Variants in UROS observed in about 807,000 individuals in gnomAD.
The protein encoded by UROS is uroporphyrinogen-III synthase.
In UROS, 18 loss-of-function variants were observed where a neutral mutation model predicts 33.0. The ratio of observed to expected loss-of-function variants is 0.55; its 90% CI spans 0.38 to 0.81. The LOEUF (loss-of-function observed/expected upper bound fraction) is 0.81, where lower values mean the gene tolerates loss of function less well. Ranked by LOEUF, UROS falls within the 30% of genes least tolerant of loss-of-function variation. UROS has a pLI of 0.00. For missense variants in UROS, 293 were observed against 314.9 expected (o/e 0.93, Z 0.53); for synonymous variants, 114 against 121.1 (o/e 0.94, Z 0.38).
rs1183649961 is a variant in UROS at position 125,794,963 on chromosome 10, T to G, written c.577A>C (p.Ile193Leu). 6.2e-7 allele frequency: 1 copy of G among 1,614,218 alleles called. No individual in the cohort carries two copies. Among genetic ancestry groups the G allele is most frequent in the Non-Finnish European group, 8.5e-7 (1 of 1,180,026 alleles). Reference sequence around the variant, plus strand: ...AGGCCAGAGGGACTAAAAAATGTGATGCTGGCTGGAACCCCCTGTGGGGAA... The same window carrying G: ...AGGCCAGAGGGACTAAAAAATGTGAGGCTGGCTGGAACCCCCTGTGGGGAA... ...YYSQQGVPASITFFSPSGLTY... is the reference protein window; with the variant it reads ...YYSQQGVPASLTFFSPSGLTY... Residue 193 changes from isoleucine to leucine, a missense_variant, in exon 9 of 10, where the codon ATC becomes CTC. Ile to Leu is a conservative substitution (Grantham distance 5). Transcript: ENST00000368797.
intron 5 of UROS, among the ~76,000 whole-genome samples, chr10:125,809,572 G>A (rs949369774): frequency 1.3e-5 from 2 of 151,720 alleles, no homozygotes; most frequent in Non-Finnish European, 2.9e-5. Flanking sequence ...GAATAACATC[G>A]TTTCATTCAA....
chr10:125,788,833 G>T lies in UROS; in HGVS notation c.*35C>A. The T allele has an allele frequency of 6.4e-7, 1 of 1,556,078 alleles. No individual in the cohort carries two copies. On this transcript the variant is annotated 3_prime_UTR_variant, in exon 10 of 10. Coordinates refer to ENST00000368797, the MANE Select transcript of UROS (RefSeq NM_000375.3). ...CTCCATCCAGAGCCAGCCCAGCCCA[G>T]GGAGGCTGCATGGGGCCAGCGCTAG...
chr10:125,798,010 A>G, intron 7 of UROS, 55 bp downstream of exon 7: 1 of 1,601,620 alleles, frequency 6.2e-7, no homozygotes, highest in East Asian at 2.2e-5. Context: ...ATCACTGCAA[A>G]GGCTCCTGGT....
chr10:125,793,944 G>A (rs927298471), intron 9 of UROS: 1 of 152,142 alleles, frequency 6.6e-6, no homozygotes, highest in Non-Finnish European at 1.5e-5. Context: ...CATGACTTTG[G>A]CAAGTTGTTT....
downstream of UROS, among the ~76,000 whole-genome samples, chr10:125,787,079 C>G (rs1442970706): frequency 1.3e-5 from 2 of 152,260 alleles, no homozygotes; most frequent in Admixed American, 6.5e-5. Context: ...CGCACTCCAT[C>G]TGAAACAAGG....
intron 6 of UROS, chr10:125,803,111 G>T (rs1420135849): frequency 1.9e-6 from 3 of 1,587,048 alleles, no homozygotes; most frequent in Non-Finnish European, 2.6e-6. Flanking sequence ...AAGAGCTTTG[G>T]AGTCAGCCAG....
chr10:125,785,799 C>T (rs759302990), downstream of UROS: 2 of 152,278 alleles, frequency 1.3e-5, no homozygotes, highest in African/African-American at 4.8e-5. Context: ...TTTATTCCTT[C>T]CCTGCATGAA....
chr10:125,818,740 T>G (rs1853587227), intron 1 of UROS, among the ~76,000 whole-genome samples: 1 of 152,164 alleles, frequency 6.6e-6, no homozygotes, highest in African/African-American at 2.4e-5. Flanking sequence ...CAGTTTCAGA[T>G]TCCTGTACAT....
intron 9 of UROS, chr10:125,792,064 T>A (rs1850974081): frequency 6.6e-6 from 1 of 151,658 alleles, no homozygotes. Flanking sequence ...TGAGACCCCA[T>A]CTCTAAAAAA....
At chr10:125,808,993 T>A (rs937323497) in intron 5 of UROS, among the ~76,000 whole-genome samples, 1 of 152,258 alleles carries the variant, frequency 6.6e-6, no homozygotes, top group Non-Finnish European at 1.5e-5. Context: ...AAACTTCAAA[T>A]TGTCTCCAAC....
Position 125,789,010 on chromosome 10 carries a change from A to C in UROS, c.661-5T>G. Reference sequence around the variant, plus strand: ...AGTGGGGCCGATGGCTGCAAACTATAAAGACAGAAGAGAAAACAGGGCTTC... The same window carrying C: ...AGTGGGGCCGATGGCTGCAAACTATCAAGACAGAAGAGAAAACAGGGCTTC... On this transcript the variant is annotated splice_polypyrimidine_tract_variant and splice_region_variant and intron_variant, in intron 9 of 9. Transcript: ENST00000368797. 6.2e-7 allele frequency: 1 copy of C among 1,612,794 alleles called. No homozygotes were observed. Among genetic ancestry groups the C allele is most frequent in the South Asian group, 1.1e-5 (1 of 91,038 alleles).
intron 7 of UROS, among the ~76,000 whole-genome samples, 154 bp downstream of exon 7, chr10:125,797,911 C>T (rs999088134): frequency 2.0e-5 from 3 of 152,234 alleles, no homozygotes; most frequent in African/African-American, 7.2e-5. Context: ...CCACTCTTCC[C>T]ATGAGCATGG....
rs1481956969 is a variant in UROS, at chr10:125,823,132, AG to A, written c.-131del. 2 of 161,390 alleles carry A rather than the reference AG, an allele frequency of 1.2e-5. No individual in the cohort carries two copies. The highest frequency in any genetic ancestry group is 2.7e-5 in the Non-Finnish European group (2 of 74,042). 10.0% of individuals were successfully genotyped at this position (161,390 alleles called of 1,614,324 possible). The stretch of plus-strand genomic sequence containing the variant: ...AAAAGGCTGCAGGAGCAATGACAAC[AG>A]GGGCGGAAGCCCCCTCCCCACGCAG... On this transcript the variant is annotated 5_prime_UTR_variant, in exon 1 of 10. The change creates a premature stop within an existing upstream ORF in the 5' untranslated region. Coordinates refer to ENST00000368797, the MANE Select transcript of UROS (RefSeq NM_000375.3).
intron 5 of UROS, among the ~76,000 whole-genome samples, chr10:125,810,427 T>G (rs1165499649): frequency 6.6e-6 from 1 of 151,928 alleles, no homozygotes; most frequent in Non-Finnish European, 1.5e-5. Flanking sequence ...GCTATGTGAG[T>G]GATTTTGGAA....
intron 9 of UROS, among the ~76,000 whole-genome samples, chr10:125,791,023 C>T (rs1269768594): frequency 4.6e-5 from 7 of 151,058 alleles, no homozygotes; most frequent in South Asian, 2.1e-4. Flanking sequence ...ACCCCAGAGG[C>T]GGAGGTTGCA....
chr10:125,796,195 A>T lies in UROS; in HGVS notation c.476-7T>A. The T allele has an allele frequency of 6.2e-7, 1 of 1,614,104 alleles. No individual in the cohort carries two copies. Among genetic ancestry groups the T allele is most frequent in the Non-Finnish European group, 8.5e-7 (1 of 1,179,966 alleles). ...ATGCTTTCCATGGCAATCCCTGGGC[A>T]CAATCAAAAGCAGGAAAGACTTTAC... On this transcript the variant is annotated splice_polypyrimidine_tract_variant and splice_region_variant and intron_variant, in intron 7 of 9. Transcript: ENST00000368797.
At chr10:125,785,970 G>C (rs1220097165), downstream of UROS, 1 of 152,218 alleles carries the variant, frequency 6.6e-6, no homozygotes, top group Non-Finnish European at 1.5e-5. Flanking sequence ...TGATCCCCAG[G>C]AAGGACACAA....
chr10:125,819,558 C>G (rs1306973044), intron 1 of UROS, among the ~76,000 whole-genome samples: 1 of 152,122 alleles, frequency 6.6e-6, no homozygotes, highest in African/African-American at 2.4e-5. Context: ...AGAACAATTC[C>G]TCTTGGCCAT....
intron 6 of UROS, among the ~76,000 whole-genome samples, chr10:125,799,073 C>A (rs932765433): frequency 3.9e-4 from 60 of 152,190 alleles, no homozygotes; most frequent in Admixed American, 2.0e-4. Flanking sequence ...CTGGTGACTA[C>A]AACGAGAGGA....
Sources: allele counts gnomAD v4.1 joint callset (sites outside exome capture counted in the v4.1 genomes callset), GRCh38; gene constraint gnomAD v4.1.1; transcripts MANE v1.5; gene names NCBI Gene and HGNC (gene_info 2026-07-23, HGNC 2026-07-21).